The following GLB1L2 variants were observed in gnomAD, a reference collection of about 807,000 sequenced individuals.
GLB1L2 encodes beta-galactosidase-1-like protein 2.
A neutral mutation model predicts 84.1 loss-of-function variants in GLB1L2; 68 were observed. That is an observed-to-expected ratio of 0.81 (90% CI 0.67 to 0.99). The LOEUF (loss-of-function observed/expected upper bound fraction) is 0.99. Among genes scored for constraint, GLB1L2 ranks in the 50% least tolerant of loss-of-function variants. The pLI, the probability that GLB1L2 is intolerant of heterozygous loss-of-function variation, is 0.00. For synonymous variants in GLB1L2, 290 were observed against 318.0 expected (o/e 0.91, Z 0.94); for missense variants, 762 against 805.6 (o/e 0.95, Z 0.66).
At chr11:134,346,593 C>G (rs1257670557) in intron 4 of GLB1L2, 1 of 152,374 alleles carries the variant, frequency 6.6e-6, no homozygotes, top group Non-Finnish European at 1.5e-5. Flanking sequence ...GTTTGACCCA[C>G]AGAAATGGGA....
chr11:134,333,877 C>T (rs1943340129), intron 1 of GLB1L2, among the ~76,000 whole-genome samples: 2 of 152,176 alleles, frequency 1.3e-5, no homozygotes, highest in South Asian at 4.1e-4. Context: ...GCCTCTCCAT[C>T]CTTCTAGCAG....
intron 1 of GLB1L2, 82 bp from the exon 2 acceptor site, chr11:134,342,672 C>G (rs755975425): frequency 9.5e-6 from 13 of 1,369,294 alleles, no homozygotes; most frequent in Non-Finnish European, 1.1e-5. Flanking sequence ...GAGAGAAATG[C>G]CGAGGACCTG....
At chr11:134,353,072 T>C (rs1482298743) in intron 5 of GLB1L2, among the ~76,000 whole-genome samples, 3 of 152,326 alleles carry the variant, frequency 2.0e-5, no homozygotes, top group East Asian at 3.9e-4. Context: ...TCCATTGTGA[T>C]TGGGAAAAAT....
chr11:134,350,132 C>A (rs1943606201), intron 5 of GLB1L2, among the ~76,000 whole-genome samples: 1 of 152,192 alleles, frequency 6.6e-6, no homozygotes. Flanking sequence ...CTGGTGGCTC[C>A]TTAGGCCATG....
intron 7 of GLB1L2, chr11:134,359,454 G>A (rs1304091103): frequency 2.6e-5 from 6 of 230,870 alleles, no homozygotes; most frequent in Non-Finnish European, 4.2e-5. Flanking sequence ...GTTCTTCCCA[G>A]CTGCATGGGC....
At chr11:134,371,974 C>A in intron 15 of GLB1L2, 144 bp downstream of exon 15, 1 of 721,044 alleles carries the variant, frequency 1.4e-6, no homozygotes, top group Non-Finnish European at 2.4e-6. Context: ...GAGGCCAGTT[C>A]TGAGTGGGCC....
chr11:134,332,467 G>A (rs910294951), intron 1 of GLB1L2, among the ~76,000 whole-genome samples: 1 of 152,022 alleles, frequency 6.6e-6, no homozygotes, highest in Non-Finnish European at 1.5e-5. Context: ...AGCCGTCAGA[G>A]CCCTCTCAGA....
Position 134,374,960 on chromosome 11 carries a change from C to T in GLB1L2, c.1825-12C>T, listed in dbSNP as rs906398269. 6.2e-7 allele frequency: 1 copy of T among 1,611,378 alleles called. No homozygotes were observed. Among genetic ancestry groups the T allele is most frequent in the Admixed American group, 1.7e-5 (1 of 59,810 alleles). ...CGTCAGCTGCCCTCCCAGCCGGGCC[C>T]TCTCTCCACAGGTCATCGTTTTTGA... On this transcript the variant is annotated splice_polypyrimidine_tract_variant and intron_variant, in intron 18 of 18. Transcript: ENST00000535456.
rs1200653285 is a variant in GLB1L2, at chr11:134,338,609, G to A, written c.87-4145G>A. 6.6e-6 allele frequency among the ~76,000 whole-genome samples: 1 copy of A among 152,084 alleles called. No homozygotes were observed. The stretch of plus-strand genomic sequence containing the variant: ...CAGTCAAGGAAAAATTACTCCAGAG[G>A]GCTCCACCTCCCCCTGCTTCCTCAC... On this transcript the variant is annotated intron_variant, in intron 1 of 18. Coordinates refer to ENST00000535456, the MANE Select transcript of GLB1L2 (RefSeq NM_001370461.1). This position sits in a 1 kb window ranked among gnomAD's most constrained non-coding sequence, Gnocchi z 6.2.
At chr11:134,344,217 C>T (rs1451678407) in intron 2 of GLB1L2, among the ~76,000 whole-genome samples, 170 bp from the exon 3 acceptor site, 1 of 152,204 alleles carries the variant, frequency 6.6e-6, no homozygotes, top group Non-Finnish European at 1.5e-5. Flanking sequence ...AGGGCTTGCC[C>T]TCGATTCTGG....
intron 7 of GLB1L2, among the ~76,000 whole-genome samples, chr11:134,363,080 C>CT (rs1174770222): frequency 6.6e-6 from 1 of 152,180 alleles, no homozygotes; most frequent in Admixed American, 6.5e-5. Flanking sequence ...ATCCTGCGGA[C>CT]TTTGAGTTCA....
chr11:134,355,398 T>G (rs2136275858), intron 5 of GLB1L2, among the ~76,000 whole-genome samples: 1 of 152,318 alleles, frequency 6.6e-6, no homozygotes, highest in Non-Finnish European at 1.5e-5. Context: ...ATGTTTGTGT[T>G]TTTTTGGTTG....
At chr11:134,361,383 T>A (rs1210379666) in intron 7 of GLB1L2, 1 of 152,210 alleles carries the variant, frequency 6.6e-6, no homozygotes, top group Admixed American at 6.5e-5. Context: ...TGTTCTTTCC[T>A]GCCAGCATGG....
intron 6 of GLB1L2, among the ~76,000 whole-genome samples, chr11:134,357,860 C>A (rs1036199696): frequency 6.6e-6 from 1 of 152,184 alleles, no homozygotes; most frequent in Non-Finnish European, 1.5e-5. Context: ...CAGGCGGGAG[C>A]AATTATCCCC....
intron 5 of GLB1L2, 156 bp from the exon 6 acceptor site, chr11:134,356,145 G>A (rs1943698379): frequency 2.7e-6 from 2 of 739,178 alleles, no homozygotes; most frequent in Non-Finnish European, 4.9e-6. Context: ...GAGAACAAGG[G>A]CCTAGTGCTT....
intron 2 of GLB1L2, 94 bp from the exon 3 acceptor site, chr11:134,344,293 C>T (rs1360925820): frequency 7.1e-7 from 1 of 1,400,496 alleles, no homozygotes; most frequent in African/African-American, 1.4e-5. Context: ...TATCTTTAGC[C>T]ATCATATTGG....
chr11:134,342,671 G>A (rs1943484485), intron 1 of GLB1L2, 83 bp from the exon 2 acceptor site: 7 of 1,361,652 alleles, frequency 5.1e-6, no homozygotes, highest in Non-Finnish European at 7.1e-6. Flanking sequence ...AGAGAGAAAT[G>A]CCGAGGACCT....
Position 134,364,092 on chromosome 11 carries a change from G to C in GLB1L2, c.734-236G>C, listed in dbSNP as rs181320542. 5.4e-3 allele frequency among the ~76,000 whole-genome samples: 827 copies of C among 152,260 alleles called. 3 individuals are homozygous for C. The highest frequency in any genetic ancestry group is 9.5e-3 in the Non-Finnish European group (644 of 68,006). On this transcript the variant is annotated intron_variant, in intron 7 of 18. Coordinates refer to ENST00000535456, the MANE Select transcript of GLB1L2 (RefSeq NM_001370461.1). ...GAGGGGGTTTCACCATGCTGGCCAG[G>C]CTGGTCTCGAACTCCTGGCCTCAAG...
At chr11:134,343,830 T>G (rs1394681351) in intron 2 of GLB1L2, among the ~76,000 whole-genome samples, 14 of 152,140 alleles carry the variant, frequency 9.2e-5, no homozygotes, top group Admixed American at 9.2e-4. Context: ...CTGAGAATAT[T>G]CTTTGTAGTG....
Sources: gnomAD v4.1 joint callset for allele counts (sites outside exome capture counted in the v4.1 genomes callset) on GRCh38, gnomAD v4.1.1 for gene constraint, Gnocchi (gnomAD v3.1) non-coding constraint, MANE v1.5 for transcripts, NCBI Gene and HGNC (gene_info 2026-07-23, HGNC 2026-07-21) for gene names.